CHD9: variants seen among roughly 807,000 people sequenced by gnomAD.
The protein encoded by CHD9 is ATP-dependent chromatin remodeler CHD9.
Under a neutral mutation model 316.1 loss-of-function variants are expected in CHD9, and 77 were observed. The observed-to-expected ratio is 0.24, with a 90% confidence interval of 0.20 to 0.29. The LOEUF (loss-of-function observed/expected upper bound fraction) is 0.29, where lower values mean the gene tolerates loss of function less well. Among genes scored for constraint, CHD9 ranks in the 10% least tolerant of loss-of-function variants. CHD9 has a pLI of 1.00. For missense variants in CHD9, 2,763 were observed against 3,438.1 expected (o/e 0.80, Z 4.91); for synonymous variants, 1,129 against 1,158.3 (o/e 0.97, Z 0.51).
At chr16:53,215,871 T>A (rs1228379182) in intron 3 of CHD9, among the ~76,000 whole-genome samples, 1 of 152,158 alleles carries the variant, frequency 6.6e-6, no homozygotes, top group Non-Finnish European at 1.5e-5. Flanking sequence ...GTATAAACAT[T>A]GTGGTTTTCT....
At chr16:53,242,798 A>G (rs1486727081) in intron 12 of CHD9, 42 bp from the exon 13 acceptor site, 2 of 1,542,564 alleles carry the variant, frequency 1.3e-6, no homozygotes, top group East Asian at 2.2e-5. Flanking sequence ...AAAATATGCA[A>G]TTAAAATATT....
intron 1 of CHD9, among the ~76,000 whole-genome samples, chr16:53,112,529 AAAGT>A (rs1288591679): frequency 2.0e-5 from 3 of 152,230 alleles, no homozygotes; most frequent in Admixed American, 1.3e-4. Flanking sequence ...CATGTGTCAC[AAAGT>A]AAGTATTATG....
At position 53,124,111 on chromosome 16, in the gene CHD9, C is replaced by T. The variant is rs557520018; in HGVS notation, c.-164-31815C>T. Among the ~76,000 whole-genome samples, 4 of 152,232 alleles carry T rather than the reference C, an allele frequency of 2.6e-5. No individual in the cohort carries two copies. In the East Asian group the frequency reaches 7.7e-4, roughly 29 times the overall value. On this transcript the variant is annotated intron_variant, in intron 1 of 38. Coordinates refer to ENST00000447540, the MANE Select transcript of CHD9 (RefSeq NM_001308319.2). The stretch of plus-strand genomic sequence containing the variant: ...ATATGTTTTAATTTCTCTTGGGTTG[C>T]TGGGTTATATGGTAACTATGTTTAA...
At chr16:53,055,317 T>C (rs2031929338) in intron 1 of CHD9, among the ~76,000 whole-genome samples, 2 of 152,120 alleles carry the variant, frequency 1.3e-5, no homozygotes, top group Admixed American at 1.3e-4. Flanking sequence ...TCCCAGAGCA[T>C]GCCCGAATCC....
At chr16:53,144,503 G>A (rs938434471) in intron 1 of CHD9, among the ~76,000 whole-genome samples, 3 of 151,762 alleles carry the variant, frequency 2.0e-5, no homozygotes, top group Non-Finnish European at 4.4e-5. Context: ...GTTGTGGCCT[G>A]GGCAACATAG....
At chr16:53,309,329 G>A (rs555904104) in intron 34 of CHD9, among the ~76,000 whole-genome samples, 1 of 152,196 alleles carries the variant, frequency 6.6e-6, no homozygotes, top group African/African-American at 2.4e-5. Flanking sequence ...TTATTATTGG[G>A]CAGCTCAAAT....
At chr16:53,080,843 T>C (rs1170658046) in intron 1 of CHD9, among the ~76,000 whole-genome samples, 1 of 152,192 alleles carries the variant, frequency 6.6e-6, no homozygotes, top group Non-Finnish European at 1.5e-5. Context: ...TCATCAGCTT[T>C]CATCCTCTGT....
At chr16:53,137,776 CAG>C (rs2039830090) in intron 1 of CHD9, among the ~76,000 whole-genome samples, 1 of 152,176 alleles carries the variant, frequency 6.6e-6, no homozygotes, top group South Asian at 2.1e-4. Flanking sequence ...TAGATTCTAA[CAG>C]AACCCAGTTT....
At chr16:53,091,654 A>G (rs1002199337) in intron 1 of CHD9, among the ~76,000 whole-genome samples, 7 of 152,200 alleles carry the variant, frequency 4.6e-5, no homozygotes, top group Admixed American at 3.3e-4. Flanking sequence ...TATAACTCCC[A>G]TGCCTAGTGT....
intron 2 of CHD9, among the ~76,000 whole-genome samples, chr16:53,179,507 A>G (rs2388011): frequency 0.49 from 73,840 of 151,792 alleles, 18,717 homozygotes; most frequent in African/African-American, 0.6. Context: ...TATTTGTCAA[A>G]TTACATTAAA....
intron 24 of CHD9, among the ~76,000 whole-genome samples, chr16:53,283,644 A>T (rs1044125507): frequency 6.6e-6 from 1 of 152,122 alleles, no homozygotes; most frequent in Admixed American, 6.5e-5. Flanking sequence ...GTTTAATCCT[A>T]CTTAATAACT....
intron 1 of CHD9, among the ~76,000 whole-genome samples, chr16:53,091,521 C>T (rs780841995): frequency 9.8e-5 from 15 of 152,316 alleles, no homozygotes; most frequent in East Asian, 1.9e-4. Flanking sequence ...AGGAGGCGAA[C>T]GCCGTCTCCT....
chr16:53,292,347 A>T (rs1249440321), intron 28 of CHD9, among the ~76,000 whole-genome samples: 1 of 152,248 alleles, frequency 6.6e-6, no homozygotes, highest in Non-Finnish European at 1.5e-5. Flanking sequence ...ATAGAGCATT[A>T]GATCCTATAC....
chr16:53,295,734 T>C (rs1250724543), intron 29 of CHD9, among the ~76,000 whole-genome samples: 1 of 152,190 alleles, frequency 6.6e-6, no homozygotes, highest in African/African-American at 2.4e-5. Flanking sequence ...CTTCTTAATG[T>C]ATCACTATGA....
At chr16:53,177,990 C>T (rs1335277284) in intron 2 of CHD9, among the ~76,000 whole-genome samples, 1 of 152,154 alleles carries the variant, frequency 6.6e-6, no homozygotes, top group African/African-American at 2.4e-5. Flanking sequence ...ATCTCTTTGG[C>T]CTAAGCATGC....
At position 53,245,560 on chromosome 16, in the gene CHD9, T is replaced by G. The variant is rs1417940994; in HGVS notation, c.3199-35T>G. 4 of 1,539,554 alleles carry G rather than the reference T, an allele frequency of 2.6e-6. No individual in the cohort carries two copies. In the Middle Eastern group the frequency reaches 5.2e-4, roughly 202 times the overall value. On this transcript the variant is annotated intron_variant, in intron 14 of 38. Transcript: ENST00000447540. This position sits in a 1 kb window ranked among gnomAD's most constrained non-coding sequence, Gnocchi z 4.1. ...TTTGTATGTGTAATTAAATGCTCAC[T>G]TATGTTATATGTCTTTTTATCATTT...
At chr16:53,113,109 G>C (rs1463515147) in intron 1 of CHD9, among the ~76,000 whole-genome samples, 1 of 151,862 alleles carries the variant, frequency 6.6e-6, no homozygotes, top group Non-Finnish European at 1.5e-5. Context: ...ACTTGAGCCT[G>C]GGAGGCCGAG....
At chr16:53,277,282 A>C (rs947194391) in intron 24 of CHD9, among the ~76,000 whole-genome samples, 1 of 152,186 alleles carries the variant, frequency 6.6e-6, no homozygotes, top group Non-Finnish European at 1.5e-5. Context: ...CCTGATACCA[A>C]AACCAGGAAA....
At chr16:53,226,138 T>C (rs968831929) in intron 4 of CHD9, among the ~76,000 whole-genome samples, 3 of 152,112 alleles carry the variant, frequency 2.0e-5, no homozygotes, top group Non-Finnish European at 4.4e-5. Context: ...GTATTACTAA[T>C]ATTTGTTGTT....
Sources: allele counts gnomAD v4.1 joint callset (sites outside exome capture counted in the v4.1 genomes callset), GRCh38; gene constraint gnomAD v4.1.1; non-coding constraint Gnocchi (gnomAD v3.1); transcripts MANE v1.5; gene names NCBI Gene and HGNC (gene_info 2026-07-23, HGNC 2026-07-21).